The following HMBOX1 variants were observed in gnomAD, a reference collection of about 807,000 sequenced individuals.
HMBOX1 encodes the protein homeobox containing 1.
A neutral mutation model predicts 54.5 loss-of-function variants in HMBOX1; 14 were observed. That is an observed-to-expected ratio of 0.26 (90% confidence interval 0.17 to 0.40). HMBOX1 has a LOEUF of 0.40. Ranked by LOEUF, HMBOX1 falls within the 10% of genes least tolerant of loss-of-function variation. The probability of loss-of-function intolerance (pLI) is 1.00; values close to 1 mark genes in which losing one functional copy is unlikely to be tolerated. For synonymous variants in HMBOX1, 160 were observed against 181.0 expected (o/e 0.88, Z 0.93); for missense variants, 332 against 514.4 (o/e 0.65, Z 3.43).
At chr8:28,980,682 A>G (rs1829186938) in intron 4 of HMBOX1, among the ~76,000 whole-genome samples, 1 of 151,998 alleles carries the variant, frequency 6.6e-6, no homozygotes, top group African/African-American at 2.4e-5. Context: ...CCTAAGCCCC[A>G]TCCCTAGTAT....
intron 2 of HMBOX1, among the ~76,000 whole-genome samples, chr8:28,964,199 A>G (rs1826073289): frequency 6.6e-6 from 1 of 152,308 alleles, no homozygotes; most frequent in South Asian, 2.1e-4. Flanking sequence ...GCTTAGAAGC[A>G]TCCAAGATAG....
At chr8:29,031,302 G>GC (rs746786999) in intron 6 of HMBOX1, among the ~76,000 whole-genome samples, 6 of 152,158 alleles carry the variant, frequency 3.9e-5, no homozygotes, top group Non-Finnish European at 7.3e-5. Flanking sequence ...TAGCTTTGTA[G>GC]CAAGTGGCTA....
At chr8:28,905,893 A>G (rs540581796) in intron 1 of HMBOX1, among the ~76,000 whole-genome samples, 26 of 152,330 alleles carry the variant, frequency 1.7e-4, no homozygotes, top group Admixed American at 1.3e-3. Flanking sequence ...AATTTTCACT[A>G]AAGACTTGAT....
chr8:28,914,344 T>C (rs181615168), intron 1 of HMBOX1, among the ~76,000 whole-genome samples: 1 of 152,196 alleles, frequency 6.6e-6, no homozygotes, highest in East Asian at 1.9e-4. Context: ...TATAGTAAAA[T>C]CTGTATTTAG....
In HMBOX1 at chr8:28,986,552, C is replaced by G. The variant is rs1245303284; in HGVS notation, c.586+6396C>G. ...GGATCTCCAATTTGAAGGCTATCAC[C>G]TATCTACAGAATGAGTGGGCTTCTA... is the stretch of plus-strand genomic sequence containing the variant. On this transcript the variant is annotated intron_variant, in intron 4 of 9. Transcript: ENST00000287701. Among the ~76,000 whole-genome samples, 8 of 152,086 alleles carry G rather than the reference C, an allele frequency of 5.3e-5. No individual in the cohort carries two copies. The East Asian group carries it at 1.5e-3, about 29-fold the overall frequency.
intron 1 of HMBOX1, among the ~76,000 whole-genome samples, chr8:28,939,542 T>A (rs1004283692): frequency 2.0e-5 from 3 of 151,988 alleles, no homozygotes; most frequent in Admixed American, 6.5e-5. Flanking sequence ...AGTCTTGCTC[T>A]TGTCGCCCAG....
intron 1 of HMBOX1, among the ~76,000 whole-genome samples, chr8:28,899,247 G>GA (rs1197614189): frequency 6.6e-6 from 1 of 152,178 alleles, no homozygotes; most frequent in Non-Finnish European, 1.5e-5. Flanking sequence ...TACTAAGCAT[G>GA]AAAGTATCTA....
intron 3 of HMBOX1, among the ~76,000 whole-genome samples, chr8:28,978,067 T>C (rs1392437411): frequency 6.6e-6 from 1 of 152,258 alleles, no homozygotes; most frequent in Non-Finnish European, 1.5e-5. Context: ...TGATTAATTT[T>C]TTCCTTTAGG....
intron 6 of HMBOX1, among the ~76,000 whole-genome samples, chr8:29,031,916 G>A (rs992812032): frequency 6.6e-5 from 10 of 152,134 alleles, no homozygotes; most frequent in Non-Finnish European, 1.0e-4. Context: ...GTGGGGTCCT[G>A]GAGAGCAGTA....
intron 1 of HMBOX1, among the ~76,000 whole-genome samples, chr8:28,896,925 A>G (rs1367771501): frequency 2.7e-5 from 4 of 150,654 alleles, no homozygotes; most frequent in Non-Finnish European, 5.9e-5. Context: ...TGAACCTGAC[A>G]TTGCAAACAT....
chr8:28,999,795 C>T (rs1023564887), intron 4 of HMBOX1, among the ~76,000 whole-genome samples: 1 of 151,860 alleles, frequency 6.6e-6, no homozygotes, highest in African/African-American at 2.4e-5. Flanking sequence ...CTCATACTTT[C>T]CTTAGTTCCT....
At chr8:29,017,358 A>G (rs903994328) in intron 5 of HMBOX1, among the ~76,000 whole-genome samples, 4 of 152,148 alleles carry the variant, frequency 2.6e-5, no homozygotes, top group Admixed American at 6.5e-5. Flanking sequence ...TTGCTCAACA[A>G]CCTGTCACAG....
At chr8:28,996,062 C>T (rs984831953) in intron 4 of HMBOX1, among the ~76,000 whole-genome samples, 1 of 151,908 alleles carries the variant, frequency 6.6e-6, no homozygotes, top group Admixed American at 6.6e-5. Context: ...GCCGAGATCA[C>T]GCCACTGCAC....
At chr8:28,989,406 A>C (rs1830646144) in intron 4 of HMBOX1, among the ~76,000 whole-genome samples, 1 of 152,192 alleles carries the variant, frequency 6.6e-6, no homozygotes, top group African/African-American at 2.4e-5. Flanking sequence ...GTGTTGAGAT[A>C]AGGGTTGAGG....
At chr8:28,951,314 G>A (rs962092191) in intron 1 of HMBOX1, among the ~76,000 whole-genome samples, 1 of 152,128 alleles carries the variant, frequency 6.6e-6, no homozygotes, top group Non-Finnish European at 1.5e-5. Context: ...TACATTCTTA[G>A]TAGAGACAGG....
chr8:28,955,069 T>C (rs1824171538), intron 1 of HMBOX1, among the ~76,000 whole-genome samples: 1 of 152,180 alleles, frequency 6.6e-6, no homozygotes, highest in Non-Finnish European at 1.5e-5. Context: ...CTTCATGTAA[T>C]ATTTTGACAG....
At chr8:29,050,141 C>CT (rs35131601) in intron 9 of HMBOX1, 38 of 613,602 alleles carry the variant, frequency 6.2e-5, no homozygotes, top group Non-Finnish European at 7.5e-5. Context: ...TCATTTCCAT[C>CT]TTTTTTTACA....
intron 1 of HMBOX1, among the ~76,000 whole-genome samples, chr8:28,931,311 G>A (rs1312043753): frequency 1.3e-5 from 2 of 152,128 alleles, no homozygotes; most frequent in South Asian, 2.1e-4. Context: ...AACTTTGTCC[G>A]TGGAAACACT....
chr8:29,031,562 A>G (rs1221395781), intron 6 of HMBOX1, among the ~76,000 whole-genome samples: 1 of 151,350 alleles, frequency 6.6e-6, no homozygotes, highest in Non-Finnish European at 1.5e-5. Flanking sequence ...CATAGTGGTT[A>G]AAAACACAGA....
Sources: allele counts gnomAD v4.1 joint callset (sites outside exome capture counted in the v4.1 genomes callset), GRCh38; gene constraint gnomAD v4.1.1; transcripts MANE v1.5; gene names NCBI Gene and HGNC (gene_info 2026-07-23, HGNC 2026-07-21).